The following MYO16 variants were observed in gnomAD, a reference collection of about 807,000 sequenced individuals.
MYO16 encodes myosin XVI.
Under a neutral mutation model 205.3 loss-of-function variants are expected in MYO16, and 94 were observed. The observed-to-expected ratio is 0.46, with a 90% CI of 0.39 to 0.54. MYO16 has a LOEUF of 0.54. Among genes scored for constraint, MYO16 ranks in the 20% least tolerant of loss-of-function variants. The pLI is 0.00. For synonymous variants in MYO16, 988 were observed against 954.0 expected, an observed-to-expected ratio of 1.04 and a Z score of -0.66; for missense variants, 2,315 against 2,387.5, an observed-to-expected ratio of 0.97 and a Z score of 0.63.
chr13:109,104,411 G>A (rs1889061419), intron 28 of MYO16, among the ~76,000 whole-genome samples: 2 of 152,150 alleles, frequency 1.3e-5, no homozygotes, highest in South Asian at 4.1e-4. Context: ...ATTACAGGGT[G>A]ACTCTGATCA....
chr13:108,613,035 A>C (rs971400034), intron 1 of MYO16, among the ~76,000 whole-genome samples: 2 of 152,162 alleles, frequency 1.3e-5, no homozygotes, highest in Non-Finnish European at 2.9e-5. Flanking sequence ...AGAGACAAAA[A>C]GTAAAGCTAA....
At chr13:109,165,084 T>A (rs1878584959) in intron 33 of MYO16, 25 bp downstream of exon 33, 1 of 1,559,582 alleles carries the variant, frequency 6.4e-7, no homozygotes, top group Non-Finnish European at 8.7e-7. Flanking sequence ...AACTCAGAAG[T>A]AAATGTACAA....
chr13:108,601,635 C>T (rs1233030767), intron 1 of MYO16, among the ~76,000 whole-genome samples: 1 of 151,926 alleles, frequency 6.6e-6, no homozygotes, highest in Middle Eastern at 3.2e-3. Flanking sequence ...TAAGATAATC[C>T]TAGGGACCCA....
chr13:108,756,694 T>C (rs1476129065), intron 4 of MYO16, among the ~76,000 whole-genome samples: 1 of 148,206 alleles, frequency 6.7e-6, no homozygotes, highest in African/African-American at 2.4e-5. Flanking sequence ...CATTGCAAAA[T>C]ATAGAAAAAA....
chr13:109,132,991 C>G (rs1452972283), intron 31 of MYO16, among the ~76,000 whole-genome samples: 1 of 152,120 alleles, frequency 6.6e-6, no homozygotes. Flanking sequence ...TCAGGAAGGG[C>G]ATGCCAACAG....
chr13:108,629,978 T>G, intron 1 of MYO16, 106 bp downstream of exon 1: 1 of 893,836 alleles, frequency 1.1e-6, no homozygotes, highest in Non-Finnish European at 1.7e-6. Context: ...CACATTCAGA[T>G]GAGTGACATA....
intron 7 of MYO16, among the ~76,000 whole-genome samples, chr13:108,810,602 G>A (rs1439658187): frequency 6.6e-6 from 1 of 151,990 alleles, no homozygotes; most frequent in African/African-American, 2.4e-5. Flanking sequence ...TATGCACTTC[G>A]GAAATTATAT....
At chr13:108,774,806 G>T (rs528035475) in intron 4 of MYO16, among the ~76,000 whole-genome samples, 5 of 152,162 alleles carry the variant, frequency 3.3e-5, no homozygotes, top group Non-Finnish European at 7.4e-5. Context: ...TAGGCTGTTA[G>T]TAGGCACCAA....
chr13:108,616,654 C>T (rs11842577), intron 1 of MYO16, among the ~76,000 whole-genome samples: 6,939 of 152,144 alleles, frequency 0.046, 233 homozygotes, highest in African/African-American at 0.087. Context: ...ATTTGAATTC[C>T]TTCCTTACTG....
At chr13:108,586,306 A>C in the MYO16 span, among the ~76,000 whole-genome samples, 1 of 152,310 alleles carries the variant, frequency 6.6e-6, no homozygotes, top group South Asian at 2.1e-4. Context: ...ATATGGAGAA[A>C]TCACCTTTAT....
At position 109,140,434 on chromosome 13, in the gene MYO16, G is replaced by T. The variant is rs780815582; in HGVS notation, c.4222G>T (p.Val1408Phe). 3.7e-5 allele frequency: 58 copies of T among 1,560,486 alleles called. No homozygotes were observed. The highest frequency in any genetic ancestry group is 4.8e-5 in the East Asian group (2 of 41,982). Residue 1408 changes from valine to phenylalanine, a missense_variant, in exon 32 of 35, where the codon GTT (valine) becomes TTT (phenylalanine). Around this residue, in one of 3 missense-constraint regions of MYO16, gnomAD observed 1,097 missense variants for 1,092.0 expected, o/e 1.00. Coordinates refer to ENST00000457511, the MANE Select transcript of MYO16 (RefSeq NM_001198950.3). This position sits in a 1 kb window ranked among gnomAD's most constrained non-coding sequence, Gnocchi z 8.0. ...GGGCGCCCCGGGGGCAGCAGCGCGC[G>T]TTCTGACCCCCGGGACTCCGCAGTG... ...PAGAPGAAAR[V>F]LTPGTPQCAL...
At chr13:109,120,985 C>G (rs9521181) in intron 29 of MYO16, among the ~76,000 whole-genome samples, 31,727 of 152,004 alleles carry the variant, frequency 0.21, 4,094 homozygotes, top group East Asian at 0.6. Flanking sequence ...GGAGTTCCAG[C>G]CTGCAGTGAG....
At chr13:108,628,970 A>G (rs1212459494), upstream of MYO16, among the ~76,000 whole-genome samples, 2 of 149,646 alleles carry the variant, frequency 1.3e-5, no homozygotes, top group African/African-American at 2.4e-5. Context: ...TTTCATTATG[A>G]GTATGATATT....
At position 109,205,474 on chromosome 13, in the gene MYO16, A is replaced by G. The variant is rs80286760; in HGVS notation, c.5416-1135A>G. Among the ~76,000 whole-genome samples, 1,254 of 152,234 alleles carry G rather than the reference A, an allele frequency of 8.2e-3. 19 individuals carry two copies. The highest frequency in any genetic ancestry group is 0.028 in the African/African-American group (1,179 of 41,530). On this transcript the variant is annotated intron_variant, in intron 34 of 34. Transcript: ENST00000457511. ...TCTCATTTTAATGGAGAGGGTTGTG[A>G]TGAGATAGAAGAAGTGCTGGAACAA...
intron 6 of MYO16, among the ~76,000 whole-genome samples, 192 bp from the exon 7 acceptor site, chr13:108,806,487 C>T (rs1838138740): frequency 6.6e-6 from 1 of 152,082 alleles, no homozygotes; most frequent in South Asian, 2.1e-4. Context: ...TAAACATAAG[C>T]GTACTTTCAA....
chr13:109,193,814 A>C (rs969317198), intron 34 of MYO16, among the ~76,000 whole-genome samples: 15 of 152,194 alleles, frequency 9.9e-5, no homozygotes, highest in African/African-American at 3.6e-4. Context: ...CAACTGTCAA[A>C]TCCTATACCC....
intron 32 of MYO16, 98 bp from the exon 33 acceptor site, chr13:109,164,803 G>A: frequency 1.6e-6 from 1 of 606,666 alleles, no homozygotes; most frequent in Non-Finnish European, 2.5e-6. Flanking sequence ...TGTCATGAAT[G>A]TTTGATTTGA....
chr13:108,584,542 A>G, the MYO16 span, among the ~76,000 whole-genome samples: 1 of 152,034 alleles, frequency 6.6e-6, no homozygotes, highest in African/African-American at 2.4e-5. Flanking sequence ...TAGTTACCCT[A>G]CTGTGCTATA....
chr13:108,578,344 A>G, the MYO16 span, among the ~76,000 whole-genome samples: 1 of 152,254 alleles, frequency 6.6e-6, no homozygotes, highest in African/African-American at 2.4e-5. Flanking sequence ...ACGTGTTTAT[A>G]TAACAAAATA....
Sources: gnomAD v4.1 joint callset for allele counts (sites outside exome capture counted in the v4.1 genomes callset) on GRCh38, gnomAD v4.1.1 for gene constraint, gnomAD v4.1.1 regional missense constraint, Gnocchi (gnomAD v3.1) non-coding constraint, MANE v1.5 for transcripts, NCBI Gene and HGNC (gene_info 2026-07-23, HGNC 2026-07-21) for gene names.